JADE2: variants seen among roughly 807,000 people sequenced by gnomAD.
JADE2 encodes jade family PHD finger 2, also known as E3 ubiquitin-protein ligase Jade-2.
In JADE2, 13 loss-of-function variants were observed where a neutral mutation model predicts 85.7. The observed-to-expected ratio is 0.15, with a 90% CI of 0.10 to 0.24. JADE2 has a LOEUF of 0.24. Among genes scored for constraint, JADE2 ranks in the 10% least tolerant of loss-of-function variants. JADE2 has a pLI of 1.00. For synonymous variants in JADE2, 440 were observed against 456.1 expected (o/e 0.96, Z 0.45); for missense variants, 846 against 1,115.9 (o/e 0.76, Z 3.45).
At chr5:134,560,112 A>T in intron 5 of JADE2, 122 bp downstream of exon 5, 1 of 1,110,020 alleles carries the variant, frequency 9.0e-7, no homozygotes. Context: ...GGGAGTCTCC[A>T]TACTGCATTA....
chr5:134,545,402 T>C (rs555964210), intron 3 of JADE2, among the ~76,000 whole-genome samples: 19 of 147,304 alleles, frequency 1.3e-4, no homozygotes, highest in African/African-American at 4.6e-4. Context: ...AAAGAGACGT[T>C]GAGTGGGGTT....
intron 9 of JADE2, among the ~76,000 whole-genome samples, chr5:134,568,883 G>A (rs970801891): frequency 3.3e-5 from 5 of 152,228 alleles, no homozygotes; most frequent in Admixed American, 6.5e-5. Context: ...GCCCAGTCTC[G>A]GACCGTGGCC....
intron 9 of JADE2, 52 bp from the exon 10 acceptor site, chr5:134,573,593 G>T: frequency 7.8e-7 from 1 of 1,282,964 alleles, no homozygotes. Flanking sequence ...GAGCTGGGAG[G>T]TCTGGGGTGG....
At chr5:134,542,609 T>G (rs768425577) in intron 3 of JADE2, among the ~76,000 whole-genome samples, 15 of 151,902 alleles carry the variant, frequency 9.9e-5, no homozygotes, top group Non-Finnish European at 1.8e-4. Context: ...GTCCAGCTAA[T>G]TTTTGTATTT....
At chr5:134,553,429 C>G (rs1762721177) in intron 4 of JADE2, among the ~76,000 whole-genome samples, 2 of 151,352 alleles carry the variant, frequency 1.3e-5, no homozygotes, top group African/African-American at 4.9e-5. Context: ...TCTTGGCTCA[C>G]TGCAACCTCC....
In JADE2 at chr5:134,562,786, C is replaced by G. The variant is rs1225861095; in HGVS notation, c.852+419C>G. 3.9e-5 allele frequency among the ~76,000 whole-genome samples: 6 copies of G among 152,030 alleles called. No homozygotes were observed. Among genetic ancestry groups the G allele is most frequent in the Admixed American group, 3.3e-4 (5 of 15,264 alleles). On this transcript the variant is annotated intron_variant, in intron 7 of 11. Transcript: ENST00000681547. This position sits in a 1 kb window ranked among gnomAD's most constrained non-coding sequence, Gnocchi z 4.6. ...CTGAAAAACAAAACAAAACAAAGCACACACTGGGATCTCAGGTGATGGGCC... is the reference window on the plus strand; with the variant it reads ...CTGAAAAACAAAACAAAACAAAGCAGACACTGGGATCTCAGGTGATGGGCC...
intron 3 of JADE2, among the ~76,000 whole-genome samples, chr5:134,543,080 G>T (rs1331880019): frequency 6.7e-6 from 1 of 150,104 alleles, no homozygotes; most frequent in African/African-American, 2.5e-5. Flanking sequence ...TGTCGCCCAG[G>T]TTGGAGTGGA....
At chr5:134,527,494 C>A (rs1483138369) in intron 1 of JADE2, among the ~76,000 whole-genome samples, 3 of 152,124 alleles carry the variant, frequency 2.0e-5, no homozygotes, top group African/African-American at 7.2e-5. Flanking sequence ...CCACCCCACC[C>A]GCCCCTGGGG....
upstream of JADE2, among the ~76,000 whole-genome samples, chr5:134,525,450 G>A (rs1760735214): frequency 6.6e-6 from 1 of 151,766 alleles, no homozygotes; most frequent in African/African-American, 2.4e-5. Flanking sequence ...TTCCCCCACG[G>A]GGCCCGCAAC....
At chr5:134,563,660 C>A (rs191659501) in intron 7 of JADE2, among the ~76,000 whole-genome samples, 1 of 152,348 alleles carries the variant, frequency 6.6e-6, no homozygotes, top group Admixed American at 6.5e-5. Flanking sequence ...CCTGGGCTCA[C>A]AGTCTGAAGC....
intron 1 of JADE2, chr5:134,526,362 G>A (rs997677663): frequency 7.4e-4 from 731 of 985,236 alleles, no homozygotes; most frequent in Non-Finnish European, 8.1e-4. Flanking sequence ...GGGCGGGCGG[G>A]GGCGCGCCAG....
chr5:134,546,169 TG>T, intron 3 of JADE2, among the ~76,000 whole-genome samples: 2 of 152,076 alleles, frequency 1.3e-5, no homozygotes, highest in Non-Finnish European at 2.9e-5. Flanking sequence ...TTTGTTTGTT[TG>T]TTTGTTTGTT....
intron 4 of JADE2, among the ~76,000 whole-genome samples, chr5:134,554,161 T>A (rs1164247549): frequency 6.6e-6 from 1 of 152,128 alleles, no homozygotes; most frequent in African/African-American, 2.4e-5. Context: ...TCTGATTGGA[T>A]CATAGGCACA....
At chr5:134,530,391 T>C (rs965027821) in intron 1 of JADE2, among the ~76,000 whole-genome samples, 1 of 152,256 alleles carries the variant, frequency 6.6e-6, no homozygotes, top group Non-Finnish European at 1.5e-5. Flanking sequence ...TTTTCCCCTT[T>C]TTTTAAAGAA....
rs747330255 is a variant in JADE2 at position 134,579,324 on chromosome 5, C to G, written c.*7C>G. On this transcript the variant is annotated 3_prime_UTR_variant, in exon 12 of 12. Transcript: ENST00000681547. The surrounding 1 kb of genome is among the most constrained non-coding windows in gnomAD (Gnocchi z 4.6). ...GGGCGTACTGGCCTCCTAACTCACC[C>G]CCTTCCCTGTCCCAGGCCCTGCCCT... 3.8e-6 allele frequency: 6 copies of G among 1,571,706 alleles called. No individual in the cohort carries two copies. In the South Asian group the frequency reaches 5.9e-5, roughly 15 times the overall value.
chr5:134,577,027 T>C, intron 11 of JADE2, 131 bp downstream of exon 11: 1 of 1,109,554 alleles, frequency 9.0e-7, no homozygotes, highest in Non-Finnish European at 1.3e-6. Flanking sequence ...AACCAGGCCC[T>C]TGCTTGCCCA....
At chr5:134,551,445 T>C (rs956499219) in intron 3 of JADE2, among the ~76,000 whole-genome samples, 2 of 152,066 alleles carry the variant, frequency 1.3e-5, no homozygotes, top group Non-Finnish European at 1.5e-5. Context: ...CCCAGACTTG[T>C]CTCAAAATCC....
chr5:134,557,218 G>GATT (rs1491247368), intron 4 of JADE2, among the ~76,000 whole-genome samples: 3,502 of 149,746 alleles, frequency 0.023, 81 homozygotes, highest in Non-Finnish European at 0.035. Context: ...TGATGATGAT[G>GATT]ATGATTATTA....
At chr5:134,532,979 G>T (rs1761342102) in intron 1 of JADE2, among the ~76,000 whole-genome samples, 1 of 152,136 alleles carries the variant, frequency 6.6e-6, no homozygotes, top group Non-Finnish European at 1.5e-5. Flanking sequence ...CTTAATAATA[G>T]CCTCCCATGG....
Sources: allele counts gnomAD v4.1 joint callset (sites outside exome capture counted in the v4.1 genomes callset), GRCh38; gene constraint gnomAD v4.1.1; non-coding constraint Gnocchi (gnomAD v3.1); transcripts MANE v1.5; gene names NCBI Gene and HGNC (gene_info 2026-07-23, HGNC 2026-07-21).